The following MBTD1 variants were observed in gnomAD, a reference collection of about 807,000 sequenced individuals.
MBTD1 encodes the protein MBT domain-containing protein 1.
Under a neutral mutation model 87.8 loss-of-function variants are expected in MBTD1, and 24 were observed. The ratio of observed to expected loss-of-function variants is 0.27; its 90% confidence interval spans 0.20 to 0.38. MBTD1 has a LOEUF of 0.38. Ranked by LOEUF, MBTD1 falls within the 10% of genes least tolerant of loss-of-function variation. MBTD1 has a pLI of 1.00. For synonymous variants in MBTD1, 237 were observed against 248.6 expected (o/e 0.95, Z 0.44); for missense variants, 436 against 760.2 (o/e 0.57, Z 5.02).
At position 51,203,169 on chromosome 17, in the gene MBTD1, T is replaced by C. The variant is rs2051594451; in HGVS notation, c.799A>G (p.Lys267Glu). 1.3e-6 allele frequency: 2 copies of C among 1,593,376 alleles called. No homozygotes were observed. Among genetic ancestry groups the C allele is most frequent in the Admixed American group, 1.9e-5 (1 of 53,124 alleles). The change falls in exon 9 of 17, where the codon AAA becomes GAA. Residue 267 changes from lysine (K) to glutamate (E), a missense_variant. This residue lies in a region of MBTD1 where 268 missense variants were observed against 401.8 expected (regional missense o/e 0.67). Transcript: ENST00000586178. ...AFLVKRLTGA[K>E]TLPPDFSQKV... ...TGGGAGAAATCAGGAGGCAGTGTTTTGGCACCAGTAAGTCGTTTCACTAGA... is the reference window on the plus strand; with the variant it reads ...TGGGAGAAATCAGGAGGCAGTGTTTCGGCACCAGTAAGTCGTTTCACTAGA...
intron 2 of MBTD1, among the ~76,000 whole-genome samples, chr17:51,226,328 C>A (rs890786352): frequency 6.6e-6 from 1 of 151,288 alleles, no homozygotes; most frequent in Non-Finnish European, 1.5e-5. Flanking sequence ...CCAGCCTGGG[C>A]AACATGACGA....
Position 51,201,592 on chromosome 17 carries a change from C to T in MBTD1, c.1224G>A (p.Lys408=). ...LSTICVATIR[K]VLADGFLMIG... ...TATATTTTAAAACCTATTATCTTAC[C>T]TTTCTAATGGTTGCGACACATATTG... The change falls in exon 12 of 17, where the codon AAG becomes AAA. Residue 408 remains lysine, a splice_region_variant and synonymous_variant. Transcript: ENST00000586178. 1 of 1,579,056 alleles carries T rather than the reference C, an allele frequency of 6.3e-7. No homozygotes were observed. Among genetic ancestry groups the T allele is most frequent in the Non-Finnish European group, 8.7e-7 (1 of 1,156,012 alleles).
chr17:51,185,815 A>C (rs2050509785), intron 16 of MBTD1: 1 of 152,236 alleles, frequency 6.6e-6, no homozygotes, highest in Non-Finnish European at 1.5e-5. Context: ...GCTCGGAAGT[A>C]TTTTATAACA....
intron 2 of MBTD1, among the ~76,000 whole-genome samples, chr17:51,230,085 T>C (rs1250249024): frequency 6.6e-6 from 1 of 152,236 alleles, no homozygotes; most frequent in East Asian, 1.9e-4. Flanking sequence ...TCTAACCTGA[T>C]TCAGCAGATT....
chr17:51,241,509 GCT>G (rs1251359150), intron 2 of MBTD1, among the ~76,000 whole-genome samples: 5 of 152,170 alleles, frequency 3.3e-5, no homozygotes, highest in African/African-American at 1.2e-4. Flanking sequence ...CTAAGAAACA[GCT>G]CTCTTTTTTC....
Position 51,259,933 on chromosome 17 carries a change from T to A in MBTD1, c.-211A>T. The A allele has an allele frequency of 8.3e-7, 1 of 1,205,308 alleles. No homozygotes were observed. Among genetic ancestry groups the A allele is most frequent in the Non-Finnish European group, 1.0e-6 (1 of 963,826 alleles). 74.7% of individuals were successfully genotyped at this position (1,205,308 alleles called of 1,614,324 possible). On this transcript the variant is annotated 5_prime_UTR_variant, in exon 1 of 17. Transcript: ENST00000586178. ...TCCCCGGGCTGGGGGCAGGTGCCTC[T>A]CCCCGGGACTGCGGCGACTACAGGG...
At chr17:51,187,276 A>T (rs1288187730) in intron 16 of MBTD1, among the ~76,000 whole-genome samples, 3 of 151,962 alleles carry the variant, frequency 2.0e-5, no homozygotes, top group Non-Finnish European at 4.4e-5. Context: ...AAAAATAAAA[A>T]AAAATTGCTG....
intron 2 of MBTD1, chr17:51,251,621 CTAGAGGAA>C (rs1256451376): frequency 6.6e-6 from 1 of 152,148 alleles, no homozygotes; most frequent in Non-Finnish European, 1.5e-5. Flanking sequence ...CTCTTAACAC[CTAGAGGAA>C]TGATCATAAG....
intron 3 of MBTD1, among the ~76,000 whole-genome samples, chr17:51,224,436 T>A (rs973067585): frequency 6.6e-6 from 1 of 152,184 alleles, no homozygotes; most frequent in Non-Finnish European, 1.5e-5. Flanking sequence ...AGAAGCAAAG[T>A]TAAAAAGGCA....
intron 16 of MBTD1, among the ~76,000 whole-genome samples, chr17:51,189,322 T>C (rs2050694191): frequency 2.0e-5 from 3 of 152,344 alleles, no homozygotes; most frequent in East Asian, 1.9e-4. Flanking sequence ...TTTTCTTTTC[T>C]ATGTCCAAAG....
intron 2 of MBTD1, among the ~76,000 whole-genome samples, chr17:51,236,196 C>G (rs1012911928): frequency 7.9e-5 from 12 of 151,662 alleles, no homozygotes; most frequent in African/African-American, 2.4e-4. Context: ...TATCTATATC[C>G]CCAGTGTTTT....
At chr17:51,202,617 T>A in intron 10 of MBTD1, 84 bp downstream of exon 10, 1 of 1,009,744 alleles carries the variant, frequency 9.9e-7, no homozygotes, top group Non-Finnish European at 1.6e-6. Context: ...TTTTCATCTA[T>A]GCAATTCTGC....
intron 16 of MBTD1, among the ~76,000 whole-genome samples, chr17:51,190,721 CAAAAAAAAAA>C (rs1165717944): frequency 2.8e-5 from 1 of 35,172 alleles, no homozygotes; most frequent in Non-Finnish European, 4.1e-5. Flanking sequence ...GACTCTGTCT[CAAAAAAAAAA>C]AAAAAAAAAA....
chr17:51,247,976 C>A (rs2054547840), intron 2 of MBTD1, among the ~76,000 whole-genome samples: 1 of 152,168 alleles, frequency 6.6e-6, no homozygotes, highest in South Asian at 2.1e-4. Flanking sequence ...AAGAAATTAT[C>A]CATTTCATCT....
chr17:51,183,988 A>G (rs1299210649), intron 16 of MBTD1: 1 of 152,236 alleles, frequency 6.6e-6, no homozygotes, highest in Non-Finnish European at 1.5e-5. Flanking sequence ...AAAATGTAAG[A>G]AAGGTAAGTT....
intron 2 of MBTD1, among the ~76,000 whole-genome samples, chr17:51,227,954 GAA>G (rs751071069): frequency 2.7e-5 from 2 of 73,378 alleles, no homozygotes; most frequent in Non-Finnish European, 6.0e-5. Flanking sequence ...TCCGTCTCAA[GAA>G]AAAAAAAAAA....
intron 6 of MBTD1, among the ~76,000 whole-genome samples, chr17:51,211,981 A>G (rs942360004): frequency 1.3e-5 from 2 of 152,222 alleles, no homozygotes; most frequent in African/African-American, 4.8e-5. Flanking sequence ...CCTTCAAAAA[A>G]GCTGACATAC....
At chr17:51,229,290 C>G (rs955110471) in intron 2 of MBTD1, among the ~76,000 whole-genome samples, 1 of 152,094 alleles carries the variant, frequency 6.6e-6, no homozygotes, top group African/African-American at 2.4e-5. Flanking sequence ...TTTTGCTACA[C>G]AGATACAGTT....
intron 5 of MBTD1, among the ~76,000 whole-genome samples, chr17:51,218,529 CAAAAAAAAAAAAA>C (rs58563366): frequency 2.7e-5 from 3 of 110,680 alleles, no homozygotes; most frequent in Non-Finnish European, 3.8e-5. Context: ...ACTCTGTCTC[CAAAAAAAAAAAAA>C]AAAAAAAAAA....
Sources: allele counts gnomAD v4.1 joint callset (sites outside exome capture counted in the v4.1 genomes callset), GRCh38; gene constraint gnomAD v4.1.1; regional missense constraint gnomAD v4.1.1; transcripts MANE v1.5; gene names NCBI Gene and HGNC (gene_info 2026-07-23, HGNC 2026-07-21).